CBLL1: variants seen among roughly 807,000 people sequenced by gnomAD.
CBLL1 encodes the protein Cbl proto-oncogene like 1, also known as E3 ubiquitin-protein ligase Hakai.
In CBLL1, 4 loss-of-function variants were observed where a neutral mutation model predicts 44.9. That is an observed-to-expected ratio of 0.09 (90% CI 0.04 to 0.20). CBLL1 has a LOEUF of 0.20. Among genes scored for constraint, CBLL1 ranks in the 10% least tolerant of loss-of-function variants. The pLI is 1.00. For synonymous variants in CBLL1, 235 were observed against 202.2 expected, an observed-to-expected ratio of 1.16 and a Z score of -1.38; for missense variants, 569 against 636.7, an observed-to-expected ratio of 0.89 and a Z score of 1.14.
At chr7:107,756,778 A>G (rs1345471626) in intron 5 of CBLL1, among the ~76,000 whole-genome samples, 1 of 152,200 alleles carries the variant, frequency 6.6e-6, no homozygotes, top group Non-Finnish European at 1.5e-5. Context: ...TAACCTTACT[A>G]ATGGACTTAA....
Position 107,755,825 on chromosome 7 carries a change from C to T in CBLL1, c.440+334C>T, listed in dbSNP as rs571896365. The stretch of plus-strand genomic sequence containing the variant: ...ACTCCAGAATTAGAATTCCTGGGTT[C>T]GAATCCTTGTTCTGCTATTTATTAG... On this transcript the variant is annotated intron_variant, in intron 5 of 5. Transcript: ENST00000440859. Among the ~76,000 whole-genome samples the T allele has an allele frequency of 3.9e-5, 6 of 152,106 alleles. No individual in the cohort carries two copies. In the East Asian group the frequency reaches 5.8e-4, roughly 15 times the overall value.
Position 107,758,074 on chromosome 7 carries a change from A to T in CBLL1, c.441-69A>T. ...ACAGTCAAATTTTAAAAACAAGCAT[A>T]TTTTTGAAAATTACATAATTTTTTG... On this transcript the variant is annotated intron_variant, in intron 5 of 5. Coordinates refer to ENST00000440859, the MANE Select transcript of CBLL1 (RefSeq NM_024814.4). The surrounding 1 kb of genome is among the most constrained non-coding windows in gnomAD (Gnocchi z 4.2). 1 of 1,386,462 alleles carries T rather than the reference A, an allele frequency of 7.2e-7. No homozygotes were observed. The highest frequency in any genetic ancestry group is 1.5e-5 in the African/African-American group (1 of 68,310). 85.9% of individuals were successfully genotyped at this position (1,386,462 alleles called of 1,614,324 possible).
chr7:107,756,057 G>A (rs4730259), intron 5 of CBLL1, among the ~76,000 whole-genome samples: 107,949 of 152,088 alleles, frequency 0.71, 38,827 homozygotes, highest in East Asian at 0.99. Context: ...TTTGGAGTAT[G>A]TCTTAGAACA....
chr7:107,759,062 T>TGGCCTGCACCAAGAGGGCCACCAC lies in CBLL1; in HGVS notation c.1361_1384dup (p.Pro461_Pro462insArgProAlaProArgGlyProPro). 1 of 1,614,010 alleles carries TGGCCTGCACCAAGAGGGCCACCAC rather than the reference T, an allele frequency of 6.2e-7. No homozygotes were observed. On this transcript the variant is annotated inframe_insertion, in exon 6 of 6. Coordinates refer to ENST00000440859, the MANE Select transcript of CBLL1 (RefSeq NM_024814.4). ...ACCAGGGGGAATGAGTCCTGGTATA[T>TGGCCTGCACCAAGAGGGCCACCAC]GGCCTGCACCAAGAGGGCCACCACC...
chr7:107,756,609 G>A (rs927908150), intron 5 of CBLL1, among the ~76,000 whole-genome samples: 3 of 152,026 alleles, frequency 2.0e-5, no homozygotes, highest in Non-Finnish European at 4.4e-5. Context: ...GCTTCATCGG[G>A]ATAAAGGATT....
intron 1 of CBLL1, chr7:107,744,496 C>G (rs1036403844): frequency 1.1e-5 from 4 of 376,806 alleles, no homozygotes; most frequent in African/African-American, 2.1e-5. Flanking sequence ...CCCAGCTGCT[C>G]TGGCCTACGT....
chr7:107,747,788 C>T (rs1302087081), intron 1 of CBLL1, among the ~76,000 whole-genome samples: 1 of 152,100 alleles, frequency 6.6e-6, no homozygotes, highest in African/African-American at 2.4e-5. Context: ...TCCTAGTAGC[C>T]TTGGAGGCCA....
rs977341015 is a variant in CBLL1 at position 107,758,053 on chromosome 7, T to C, written c.441-90T>C. On this transcript the variant is annotated intron_variant, in intron 5 of 5. Transcript: ENST00000440859. The surrounding 1 kb of genome is among the most constrained non-coding windows in gnomAD (Gnocchi z 4.2). ...ACTTTTGCTATGTTTTATGTAACAG[T>C]CAAATTTTAAAAACAAGCATATTTT... The C allele has an allele frequency of 4.1e-6, 5 of 1,205,430 alleles. No individual in the cohort carries two copies. Among genetic ancestry groups the C allele is most frequent in the Non-Finnish European group, 5.7e-6 (5 of 875,012 alleles). 74.7% of individuals were successfully genotyped at this position (1,205,430 alleles called of 1,614,324 possible).
At chr7:107,749,849 C>G (rs1359343910) in intron 2 of CBLL1, among the ~76,000 whole-genome samples, 1 of 151,612 alleles carries the variant, frequency 6.6e-6, no homozygotes, top group African/African-American at 2.4e-5. Context: ...TAGCATTGAC[C>G]ATTCTTGTTT....
chr7:107,755,825 C>A (rs571896365), intron 5 of CBLL1, among the ~76,000 whole-genome samples: 1 of 151,988 alleles, frequency 6.6e-6, no homozygotes, highest in South Asian at 2.1e-4. Context: ...TTCCTGGGTT[C>A]GAATCCTTGT....
At chr7:107,752,494 A>T in intron 2 of CBLL1, 1 of 919,462 alleles carries the variant, frequency 1.1e-6, no homozygotes, top group Non-Finnish European at 1.5e-6. Context: ...GCTGTAATTT[A>T]GTCATGTGGG....
intron 1 of CBLL1, among the ~76,000 whole-genome samples, chr7:107,748,160 A>G (rs752403118): frequency 2.0e-5 from 3 of 152,188 alleles, no homozygotes; most frequent in Non-Finnish European, 4.4e-5. Flanking sequence ...GGGACTAGAA[A>G]GTGACACTTG....
intron 2 of CBLL1, 38 bp from the exon 3 acceptor site, chr7:107,753,373 A>G (rs1005668840): frequency 7.2e-7 from 1 of 1,392,678 alleles, no homozygotes; most frequent in African/African-American, 1.5e-5. Context: ...GAAATTTGAG[A>G]TTTGGAAAGT....
In CBLL1 at chr7:107,759,024, C is replaced by T. The variant is rs966388259; in HGVS notation, c.1322C>T (p.Pro441Leu). The T allele has an allele frequency of 1.2e-6, 2 of 1,613,984 alleles. No homozygotes were observed. Among genetic ancestry groups the T allele is most frequent in the East Asian group, 2.2e-5 (1 of 44,848 alleles). Residue 441 changes from proline to leucine, a missense_variant, in exon 6 of 6, where the codon CCT (proline) becomes CTT (leucine). Pro to Leu is a moderately conservative substitution (Grantham distance 98). Coordinates refer to ENST00000440859, the MANE Select transcript of CBLL1 (RefSeq NM_024814.4). Reference protein sequence around the residue: ...QFTEDQGTLSPPFTQPGGMSP... With the variant: ...QFTEDQGTLSLPFTQPGGMSP... ...ACTGAAGATCAAGGAACTCTGAGCCCTCCATTTACACAACCAGGGGGAATG... is the reference window on the plus strand; with the variant it reads ...ACTGAAGATCAAGGAACTCTGAGCCTTCCATTTACACAACCAGGGGGAATG...
intron 1 of CBLL1, among the ~76,000 whole-genome samples, chr7:107,745,051 T>G (rs1246386242): frequency 2.6e-5 from 4 of 152,188 alleles, no homozygotes; most frequent in African/African-American, 9.7e-5. Flanking sequence ...TGTTTATTTA[T>G]GTAGGTGTGT....
At chr7:107,749,889 T>C (rs1793201055) in intron 2 of CBLL1, among the ~76,000 whole-genome samples, 2 of 152,206 alleles carry the variant, frequency 1.3e-5, no homozygotes, top group African/African-American at 4.8e-5. Context: ...CTTTGTAAAT[T>C]AATAGGGTTT....
chr7:107,753,650 C>T, intron 3 of CBLL1, 139 bp downstream of exon 3: 1 of 573,892 alleles, frequency 1.7e-6, no homozygotes, highest in Non-Finnish European at 2.9e-6. Context: ...ACATACAAAT[C>T]ATTTGTTAAT....
Position 107,753,922 on chromosome 7 carries a change from A to G in CBLL1, c.310A>G (p.Thr104Ala). The G allele has an allele frequency of 2.5e-6, 4 of 1,596,070 alleles. No individual in the cohort carries two copies. Among genetic ancestry groups the G allele is most frequent in the Non-Finnish European group, 3.4e-6 (4 of 1,169,752 alleles). ...QINILGEKDD[T>A]PVHFCDKCGL... is the part of the protein sequence containing the mutation. ...AAACATCTTAGGTGAAAAGGATGAT[A>G]CACCAGTTCATTTCTGTGACAAGTG... is the stretch of plus-strand genomic sequence containing the variant. The change falls in exon 4 of 6, where the codon ACA (threonine) becomes GCA (alanine). Residue 104 changes from threonine to alanine, a missense_variant. By Grantham distance (58) the Thr-to-Ala change is moderately conservative. Transcript: ENST00000440859.
chr7:107,754,136 A>C (rs1044868267), intron 4 of CBLL1, 158 bp downstream of exon 4: 2 of 395,114 alleles, frequency 5.1e-6, no homozygotes, highest in African/African-American at 4.2e-5. Context: ...TGAATTTAAT[A>C]TGATTATCTT....
Sources: allele counts gnomAD v4.1 joint callset (sites outside exome capture counted in the v4.1 genomes callset), GRCh38; gene constraint gnomAD v4.1.1; non-coding constraint Gnocchi (gnomAD v3.1); transcripts MANE v1.5; gene names NCBI Gene and HGNC (gene_info 2026-07-23, HGNC 2026-07-21).